The following EXOSC10 variants were observed in gnomAD, a reference collection of about 807,000 sequenced individuals.
EXOSC10 encodes exosome component 10.
In EXOSC10, 94 loss-of-function variants were observed where a neutral mutation model predicts 126.6. The ratio of observed to expected loss-of-function variants is 0.74; its 90% CI spans 0.63 to 0.88. The LOEUF (loss-of-function observed/expected upper bound fraction) is 0.88, where lower values mean the gene tolerates loss of function less well. Among genes scored for constraint, EXOSC10 ranks in the 40% least tolerant of loss-of-function variants. EXOSC10 has a pLI of 0.00. For missense variants in EXOSC10, 1,041 were observed against 1,100.5 expected, an observed-to-expected ratio of 0.95 and a Z score of 0.77; for synonymous variants, 395 against 400.8, an observed-to-expected ratio of 0.99 and a Z score of 0.17.
intron 6 of EXOSC10, among the ~76,000 whole-genome samples, chr1:11,090,186 T>C (rs1570844765): frequency 6.6e-6 from 1 of 152,098 alleles, no homozygotes; most frequent in African/African-American, 2.4e-5. Context: ...TCAGTAGAGA[T>C]GGGGTTTCAC....
Position 11,066,637 on chromosome 1 carries a change from A to T in EXOSC10, c.*81T>A. 2 of 1,485,996 alleles carry T rather than the reference A, an allele frequency of 1.3e-6. No individual in the cohort carries two copies. Among genetic ancestry groups the T allele is most frequent in the Non-Finnish European group, 1.9e-6 (2 of 1,064,718 alleles). 92.1% of individuals were successfully genotyped at this position (1,485,996 alleles called of 1,614,324 possible). ...ATCAGCTTTCTTCAGGAAGAATTTT[A>T]ATGGTTTAAAAATATGTATGTACAA... On this transcript the variant is annotated 3_prime_UTR_variant, in exon 25 of 25. Transcript: ENST00000376936.
chr1:11,074,303 T>G lies in EXOSC10; in HGVS notation c.2010A>C (p.Lys670Asn), dbSNP rs1639692772. The change falls in exon 18 of 25, where the codon AAA becomes AAC. Residue 670 changes from lysine (K) to asparagine (N), a missense_variant. Lys to Asn is a moderately conservative substitution (Grantham distance 94, BLOSUM62 0). Around this residue, in one of 3 missense-constraint regions of EXOSC10, gnomAD observed 388 missense variants for 415.2 expected, o/e 0.93. Coordinates refer to ENST00000376936, the MANE Select transcript of EXOSC10 (RefSeq NM_001001998.3). ...TCTGTGCAACTGTCAATGGACCCTT[T>G]TTACTGTCTTCAGCACTAGGTTCCT... ...LFNEPSAEDS[K>N]KGPLTVAQKK... 6.2e-7 allele frequency: 1 copy of G among 1,614,036 alleles called. No individual in the cohort carries two copies. The highest frequency in any genetic ancestry group is 8.5e-7 in the Non-Finnish European group (1 of 1,179,990).
intron 3 of EXOSC10, among the ~76,000 whole-genome samples, chr1:11,095,057 CA>C (rs1640997240): frequency 6.6e-6 from 1 of 151,890 alleles, no homozygotes; most frequent in South Asian, 2.1e-4. Flanking sequence ...ACTAAAAATA[CA>C]AAAATTAGCC....
Position 11,098,022 on chromosome 1 carries a change from C to T in EXOSC10, c.246G>A (p.Gln82=). The T allele has an allele frequency of 1.2e-6, 2 of 1,606,966 alleles. No homozygotes were observed. Among genetic ancestry groups the T allele is most frequent in the Non-Finnish European group, 1.7e-6 (2 of 1,177,752 alleles). Residue 82 remains glutamine, a splice_region_variant and synonymous_variant, in exon 2 of 25, where the codon CAG becomes CAA. Transcript: ENST00000376936. ...FCETQGDRLL[Q]CMSRVMQYHG... is the part of the protein sequence containing the mutation. ...AGAAAACAAAGTACAGTACTTACCACTGAAGCAACCTGTCTCCCTGTGTTT... is the reference window on the plus strand; with the variant it reads ...AGAAAACAAAGTACAGTACTTACCATTGAAGCAACCTGTCTCCCTGTGTTT...
In EXOSC10 at chr1:11,081,621, T is replaced by C. The variant is rs533867123; in HGVS notation, c.1281-383A>G. Reference sequence around the variant, plus strand: ...TGTGAAATGGGAACCAGGTACTTCATAGGCTGTTGTGAGGACTACACAGGA... The same window carrying C: ...TGTGAAATGGGAACCAGGTACTTCACAGGCTGTTGTGAGGACTACACAGGA... On this transcript the variant is annotated intron_variant, in intron 10 of 24. Transcript: ENST00000376936. 5.3e-5 allele frequency among the ~76,000 whole-genome samples: 8 copies of C among 152,288 alleles called. No individual in the cohort carries two copies. The South Asian group carries it at 1.5e-3, about 28-fold the overall frequency.
intron 1 of EXOSC10, 31 bp downstream of exon 1, chr1:11,099,690 T>G: frequency 6.4e-7 from 1 of 1,569,554 alleles, no homozygotes; most frequent in Non-Finnish European, 8.6e-7. Context: ...CGCGGGCGAC[T>G]CCTGGTACCC....
intron 17 of EXOSC10, among the ~76,000 whole-genome samples, chr1:11,074,886 C>T (rs1176678669): frequency 6.6e-6 from 1 of 152,164 alleles, no homozygotes; most frequent in Admixed American, 6.5e-5. Flanking sequence ...CTCTCACCAT[C>T]TTACAGAGGA....
At chr1:11,067,438 GAA>G (rs34154272) in intron 24 of EXOSC10, among the ~76,000 whole-genome samples, 7 of 129,628 alleles carry the variant, frequency 5.4e-5, no homozygotes, top group African/African-American at 2.1e-4. Flanking sequence ...TCTCAAAGAA[GAA>G]AAAAAAAAAA....
chr1:11,084,801 G>A lies in EXOSC10; in HGVS notation c.1090-1923C>T, dbSNP rs550427101. On this transcript the variant is annotated intron_variant, in intron 9 of 24. Transcript: ENST00000376936. ...TTTAATCCATCTTGAATTGATTTTT[G>A]TATAAGGTGTAAGGAAGGGATCCAG... Among the ~76,000 whole-genome samples, 251 of 152,228 alleles carry A rather than the reference G, an allele frequency of 1.6e-3. 2 individuals are homozygous for A. Among genetic ancestry groups the A allele is most frequent in the South Asian group, 0.016 (79 of 4,822 alleles).
chr1:11,068,843 G>A, intron 22 of EXOSC10, 137 bp from the exon 23 acceptor site: 1 of 718,814 alleles, frequency 1.4e-6, no homozygotes, highest in Non-Finnish European at 2.5e-6. Context: ...TGAGGGGCTA[G>A]GGCTCATGGC....
intron 9 of EXOSC10, 95 bp downstream of exon 9, chr1:11,087,353 T>G: frequency 1.4e-6 from 2 of 1,446,024 alleles, no homozygotes; most frequent in Non-Finnish European, 1.9e-6. Context: ...CCTCCCAACT[T>G]GACTGGTCTA....
intron 10 of EXOSC10, 83 bp from the exon 11 acceptor site, chr1:11,081,321 C>A (rs1640155739): frequency 1.4e-6 from 2 of 1,452,296 alleles, no homozygotes; most frequent in Non-Finnish European, 1.9e-6. Context: ...GCTGGGACTT[C>A]CTTAGACCCT....
At chr1:11,078,819 T>C (rs1306205545) in intron 14 of EXOSC10, among the ~76,000 whole-genome samples, 4 of 152,204 alleles carry the variant, frequency 2.6e-5, no homozygotes, top group African/African-American at 9.6e-5. Flanking sequence ...GAACAGTGAA[T>C]TGGCCCAGTT....
chr1:11,066,760 AC>A lies in EXOSC10; in HGVS notation c.2628-13del. The A allele has an allele frequency of 6.2e-7, 1 of 1,614,086 alleles. No individual in the cohort carries two copies. Among genetic ancestry groups the A allele is most frequent in the South Asian group, 1.1e-5 (1 of 91,086 alleles). ...TGTACCTGAAGCCTCTGCAGAGAGT[AC>A]AAAAACAACAGTTATTTCTTCCGGG... On this transcript the variant is annotated splice_polypyrimidine_tract_variant and intron_variant, in intron 24 of 24. Coordinates refer to ENST00000376936, the MANE Select transcript of EXOSC10 (RefSeq NM_001001998.3).
chr1:11,069,593 G>GT lies in EXOSC10; in HGVS notation c.2453dup (p.Tyr818Ter). 6.2e-7 allele frequency: 1 copy of GT among 1,613,888 alleles called. No individual in the cohort carries two copies. Among genetic ancestry groups the GT allele is most frequent in the South Asian group, 1.1e-5 (1 of 91,052 alleles). ...CCTTGAAGTCTGACTGGCTGTAGTCGTAAGGCGTAAACTCTTTTTCTGGTG... is the reference window on the plus strand; with the variant it reads ...CCTTGAAGTCTGACTGGCTGTAGTCGTTAAGGCGTAAACTCTTTTTCTGGTG... Reference protein sequence around the residue: ...PEPPEKEFTPYDYSQSDFKAF... With the variant: ...PEPPEKEFTP The change falls in exon 22 of 25, where the codon TAC (tyrosine) becomes TAAC (stop). Residue 818 changes from tyrosine (Y) to a stop codon, truncating the protein, a stop_gained and frameshift_variant. Transcript: ENST00000376936. LOFTEE classifies it high-confidence loss of function.
intron 2 of EXOSC10, 100 bp downstream of exon 2, chr1:11,097,920 C>T (rs994252339): frequency 3.2e-6 from 4 of 1,239,954 alleles, no homozygotes; most frequent in African/African-American, 1.5e-5. Context: ...CTTCATACCA[C>T]AGAAAATGTT....
In EXOSC10 at chr1:11,098,059, TG is replaced by T. The variant is rs1476376930; in HGVS notation, c.208del (p.Gln70LysfsTer15). 6.2e-7 allele frequency: 1 copy of T among 1,612,232 alleles called. No homozygotes were observed. Among genetic ancestry groups the T allele is most frequent in the Non-Finnish European group, 8.5e-7 (1 of 1,179,442 alleles). Reference sequence around the variant, plus strand: ...GTCTCCCTGTGTTTCGCAAAATGCTTGGAAGCCAGGAAAACTTCGGTAAAAA... The same window carrying T: ...GTCTCCCTGTGTTTCGCAAAATGCTTGAAGCCAGGAAAACTTCGGTAAAAA... Reference protein sequence around the residue: ...YDFYRSFPGFQAFCETQGDRL... With the variant: ...YDFYRSFPGFXAFCETQGDRL... On this transcript the variant is annotated frameshift_variant, in exon 2 of 25. Transcript: ENST00000376936. LOFTEE classifies it high-confidence loss of function.
intron 9 of EXOSC10, among the ~76,000 whole-genome samples, chr1:11,086,786 A>G (rs1640518029): frequency 6.6e-6 from 1 of 152,218 alleles, no homozygotes. Context: ...ACAAAGACAC[A>G]ACATACCAGA....
chr1:11,087,703 C>A (rs1640572125), intron 8 of EXOSC10, 97 bp downstream of exon 8: 3 of 1,485,078 alleles, frequency 2.0e-6, no homozygotes, highest in Non-Finnish European at 2.7e-6. Flanking sequence ...TAATTTTTTA[C>A]CAAAAAAAAT....
Sources: allele counts gnomAD v4.1 joint callset (sites outside exome capture counted in the v4.1 genomes callset), GRCh38; gene constraint gnomAD v4.1.1; regional missense constraint gnomAD v4.1.1; transcripts MANE v1.5; gene names NCBI Gene and HGNC (gene_info 2026-07-23, HGNC 2026-07-21).